GPSM1: variants seen among roughly 807,000 people sequenced by gnomAD.
GPSM1 encodes G protein signaling modulator 1.
GPSM1 carries 48 observed loss-of-function variants against 70.5 expected under a neutral mutation model. The observed-to-expected ratio is 0.68, with a 90% CI of 0.54 to 0.87. The LOEUF (loss-of-function observed/expected upper bound fraction) is 0.87. Ranked by LOEUF, GPSM1 falls within the 40% of genes least tolerant of loss-of-function variation. The pLI is 0.00. For missense variants in GPSM1, 981 were observed against 972.6 expected, an observed-to-expected ratio of 1.01 and a Z score of -0.11; for synonymous variants, 416 against 430.1, an observed-to-expected ratio of 0.97 and a Z score of 0.41.
At position 136,349,568 on chromosome 9, in the gene GPSM1, C is replaced by G; in HGVS notation, c.1279-19C>G. The G allele has an allele frequency of 6.5e-7, 1 of 1,546,026 alleles. No individual in the cohort carries two copies. Among genetic ancestry groups the G allele is most frequent in the Admixed American group, 2.0e-5 (1 of 50,640 alleles). Reference sequence around the variant, plus strand: ...GGTTCACAATTGCCCAGGCCACGCACAGCCTTACCCCTCCCCAGGAGCAGA... The same window carrying G: ...GGTTCACAATTGCCCAGGCCACGCAGAGCCTTACCCCTCCCCAGGAGCAGA... On this transcript the variant is annotated intron_variant, in intron 10 of 13. Transcript: ENST00000440944.
At chr9:136,328,976 T>C (rs1429439557) in intron 1 of GPSM1, among the ~76,000 whole-genome samples, 1 of 144,772 alleles carries the variant, frequency 6.9e-6, no homozygotes, top group African/African-American at 2.9e-5. Context: ...TGAGTGTGAG[T>C]GTGTGGAGCT....
chr9:136,348,552 G>C (rs1487555741), intron 9 of GPSM1, 145 bp from the exon 10 acceptor site: 3 of 593,992 alleles, frequency 5.1e-6, no homozygotes, highest in Non-Finnish European at 9.2e-6. Context: ...AGGACACTCA[G>C]ACATGGCGCT....
rs1832429681 is a variant in GPSM1, at chr9:136,342,912, G to A, written c.1207+1919G>A. ...CTTCAGCCCGGCGGGGACGCGGTGG[G>A]GCGTGGCCTTGCTGTTGTGGGCGTG... On this transcript the variant is annotated intron_variant, in intron 9 of 13. Transcript: ENST00000440944. This position sits in a 1 kb window ranked among gnomAD's most constrained non-coding sequence, Gnocchi z 5.5. 6.6e-6 allele frequency among the ~76,000 whole-genome samples: 1 copy of A among 151,934 alleles called. No individual in the cohort carries two copies. The highest frequency in any genetic ancestry group is 2.1e-4 in the South Asian group (1 of 4,810).
intron 9 of GPSM1, among the ~76,000 whole-genome samples, chr9:136,344,339 A>G (rs1357577655): frequency 6.6e-6 from 1 of 152,164 alleles, no homozygotes; most frequent in Non-Finnish European, 1.5e-5. Flanking sequence ...CTGCCCTCAC[A>G]AAGCACCGCA....
chr9:136,339,871 G>A, intron 8 of GPSM1, 56 bp downstream of exon 8: 1 of 1,115,142 alleles, frequency 9.0e-7, no homozygotes. Flanking sequence ...CTCCAGACGG[G>A]CCGGGTCCCC....
intron 1 of GPSM1, among the ~76,000 whole-genome samples, chr9:136,328,642 C>T (rs952608267): frequency 6.6e-6 from 1 of 152,252 alleles, no homozygotes; most frequent in Admixed American, 6.5e-5. Flanking sequence ...AGCAGCAAGC[C>T]TCTGCCTGGG....
Position 136,340,437 on chromosome 9 carries a change from C to T in GPSM1, c.1084-433C>T, listed in dbSNP as rs782590995. On this transcript the variant is annotated intron_variant, in intron 8 of 13. Coordinates refer to ENST00000440944, the MANE Select transcript of GPSM1 (RefSeq NM_001145638.3). The surrounding 1 kb of genome is among the most constrained non-coding windows in gnomAD (Gnocchi z 7.3). ...TCCAGGGCTCCATGTGGCCCTCCCC[C>T]CAACCCCATGCCACCTCTCTTCTGC... Among the ~76,000 whole-genome samples the T allele has an allele frequency of 6.6e-6, 1 of 151,994 alleles. No homozygotes were observed. The highest frequency in any genetic ancestry group is 6.6e-5 in the Admixed American group (1 of 15,250).
intron 2 of GPSM1, 142 bp downstream of exon 2, chr9:136,334,810 TGGCCCTGCTGGCGGGTGAGTGGGGAC>T (rs1832192794): frequency 4.7e-6 from 3 of 634,254 alleles, no homozygotes; most frequent in African/African-American, 2.0e-5. Context: ...TGAGTGGGGA[TGGCCCTGCTGGCGGGTGAGTGGGGAC>T]GGCCCTGCTG....
Position 136,358,071 on chromosome 9 carries a change from A to C in GPSM1, c.1879A>C (p.Thr627Pro). 6.2e-7 allele frequency: 1 copy of C among 1,612,732 alleles called. No homozygotes were observed. The highest frequency in any genetic ancestry group is 8.5e-7 in the Non-Finnish European group (1 of 1,179,812). ...PPPDVLPRGP[T>P]MPDEDFFSLI... is the part of the protein sequence containing the mutation. ...ACCTGACGTACTGCCCCGGGGCCCT[A>C]CCATGCCGGACGAGGACTTCTTCAG... The change falls in exon 14 of 14, where the codon ACC becomes CCC. Residue 627 changes from threonine to proline, a missense_variant. Coordinates refer to ENST00000440944, the MANE Select transcript of GPSM1 (RefSeq NM_001145638.3).
rs1554771639 is a variant in GPSM1, at chr9:136,348,756, C to G, written c.1267C>G (p.Pro423Ala). ...SAETWDLLRL[P>A]LEREQNGDSH... is the part of the protein sequence containing the mutation. The stretch of plus-strand genomic sequence containing the variant: ...GGAGACCTGGGACCTGCTGAGACTC[C>G]CCCTGGAGCGGGTGAGCCAGGGACA... The change falls in exon 10 of 14, where the codon CCC (proline) becomes GCC (alanine). Residue 423 changes from proline (P) to alanine (A), a missense_variant. By Grantham distance (27) the Pro-to-Ala change is conservative. Coordinates refer to ENST00000440944, the MANE Select transcript of GPSM1 (RefSeq NM_001145638.3). The G allele has an allele frequency of 6.2e-7, 1 of 1,611,352 alleles. No homozygotes were observed.
intron 2 of GPSM1, 36 bp downstream of exon 2, chr9:136,334,704 GCGGCCCTGCTGGCGCGGTGAGTGGGGA>G (rs1337247395): frequency 1.3e-5 from 21 of 1,559,232 alleles, no homozygotes; most frequent in African/African-American, 2.8e-5. Context: ...GGTGAGTGGG[GCGGCCCTGCTGGCGCGGTGAGTGGGGA>G]CGGCCCTGCT....
rs782772079 is a variant in GPSM1, at chr9:136,349,762, C to A, written c.1454C>A (p.Thr485Lys). 1.3e-6 allele frequency: 2 copies of A among 1,570,854 alleles called. No homozygotes were observed. Among genetic ancestry groups the A allele is most frequent in the East Asian group, 2.3e-5 (1 of 43,272 alleles). The change falls in exon 11 of 14, where the codon ACG (threonine) becomes AAG (lysine). Residue 485 changes from threonine (T) to lysine (K), a missense_variant and splice_region_variant. Coordinates refer to ENST00000440944, the MANE Select transcript of GPSM1 (RefSeq NM_001145638.3). ...SADVRVHVPRTSIPRAPSSDE... is the reference protein window; with the variant it reads ...SADVRVHVPRKSIPRAPSSDE... ...GACGTCCGGGTGCACGTGCCACGCA[C>A]GGTAGGCGTCTTTGACGGCAGATCC...
At chr9:136,346,297 G>A (rs1832520542) in intron 9 of GPSM1, among the ~76,000 whole-genome samples, 1 of 152,236 alleles carries the variant, frequency 6.6e-6, no homozygotes, top group Non-Finnish European at 1.5e-5. Flanking sequence ...GCTGGTCTGG[G>A]GCCAGCGGGC....
intron 1 of GPSM1, 29 bp downstream of exon 1, chr9:136,327,792 C>A (rs1554768087): frequency 9.6e-7 from 1 of 1,037,462 alleles, no homozygotes; most frequent in Non-Finnish European, 1.2e-6. Context: ...GGGGCCGGGG[C>A]CGGGGCTGGG....
intron 9 of GPSM1, among the ~76,000 whole-genome samples, chr9:136,344,095 G>A (rs914505530): frequency 6.6e-6 from 1 of 151,792 alleles, no homozygotes; most frequent in Non-Finnish European, 1.5e-5. Context: ...AGCCACATGG[G>A]ATGAGCTTTG....
chr9:136,345,455 C>G (rs1832500276), intron 9 of GPSM1, among the ~76,000 whole-genome samples: 1 of 152,172 alleles, frequency 6.6e-6, no homozygotes, highest in South Asian at 2.1e-4. Context: ...AGCGGGCCTT[C>G]CGCCCACCGT....
chr9:136,336,904 C>A lies in GPSM1; in HGVS notation c.427-17C>A, dbSNP rs1554769316. 1 of 1,549,598 alleles carries A rather than the reference C, an allele frequency of 6.5e-7. No individual in the cohort carries two copies. The highest frequency in any genetic ancestry group is 8.7e-7 in the Non-Finnish European group (1 of 1,146,452). Reference sequence around the variant, plus strand: ...GGGCCGTGGAGGCATGCCCCCAACCCTCCGTACTGCCCACAGGTTGGGGAG... The same window carrying A: ...GGGCCGTGGAGGCATGCCCCCAACCATCCGTACTGCCCACAGGTTGGGGAG... On this transcript the variant is annotated splice_polypyrimidine_tract_variant and intron_variant, in intron 3 of 13. Coordinates refer to ENST00000440944, the MANE Select transcript of GPSM1 (RefSeq NM_001145638.3).
Position 136,341,168 on chromosome 9 carries a change from C to T in GPSM1, c.1207+175C>T. 1 of 1,549,142 alleles carries T rather than the reference C, an allele frequency of 6.5e-7. No individual in the cohort carries two copies. Among genetic ancestry groups the T allele is most frequent in the Non-Finnish European group, 8.7e-7 (1 of 1,146,372 alleles). On this transcript the variant is annotated intron_variant, in intron 9 of 13. Coordinates refer to ENST00000440944, the MANE Select transcript of GPSM1 (RefSeq NM_001145638.3). The surrounding 1 kb of genome is among the most constrained non-coding windows in gnomAD (Gnocchi z 6.7). ...GGGACAGCACAGGCCTGAGGTTCAC[C>T]CTGAGCCCTTCCCACCCGCATCCTG...
At chr9:136,336,441 G>A (rs1832238446) in intron 3 of GPSM1, among the ~76,000 whole-genome samples, 1 of 152,224 alleles carries the variant, frequency 6.6e-6, no homozygotes, top group South Asian at 2.1e-4. Flanking sequence ...GCGGCAGTGG[G>A]AGGCCGATTT....
Sources: allele counts gnomAD v4.1 joint callset (sites outside exome capture counted in the v4.1 genomes callset), GRCh38; gene constraint gnomAD v4.1.1; non-coding constraint Gnocchi (gnomAD v3.1); transcripts MANE v1.5; gene names NCBI Gene and HGNC (gene_info 2026-07-23, HGNC 2026-07-21).